CACNA2D3: variants seen among roughly 807,000 people sequenced by gnomAD.
CACNA2D3 encodes the protein calcium voltage-gated channel auxiliary subunit alpha2delta 3.
Under a neutral mutation model 160.6 loss-of-function variants are expected in CACNA2D3, and 60 were observed. The ratio of observed to expected loss-of-function variants is 0.37; its 90% CI spans 0.30 to 0.46. The LOEUF (loss-of-function observed/expected upper bound fraction) is 0.46. Ranked by LOEUF, CACNA2D3 falls within the 20% of genes least tolerant of loss-of-function variation. The probability of loss-of-function intolerance (pLI) is 1.00; values close to 1 mark genes in which losing one functional copy is unlikely to be tolerated. For missense variants in CACNA2D3, 1,205 were observed against 1,365.0 expected, an observed-to-expected ratio of 0.88 and a Z score of 1.85; for synonymous variants, 558 against 492.9, an observed-to-expected ratio of 1.13 and a Z score of -1.75.
At chr3:54,558,995 C>T (rs9849017) in intron 5 of CACNA2D3, among the ~76,000 whole-genome samples, 14,446 of 152,054 alleles carry the variant, frequency 0.095, 2,030 homozygotes, top group African/African-American at 0.31. Context: ...GTAAGCACCA[C>T]GCCTATACCC....
intron 11 of CACNA2D3, among the ~76,000 whole-genome samples, chr3:54,713,608 A>G (rs1700994867): frequency 6.6e-6 from 1 of 152,202 alleles, no homozygotes; most frequent in Non-Finnish European, 1.5e-5. Context: ...GTGGATAAAA[A>G]TAGTTTCTAC....
In CACNA2D3 at chr3:54,844,774, T is replaced by C. The variant is rs533265873; in HGVS notation, c.1552-1619T>C. On this transcript the variant is annotated intron_variant, in intron 16 of 37. Coordinates refer to ENST00000474759, the MANE Select transcript of CACNA2D3 (RefSeq NM_018398.3). ...GGCATTAAGAGGAGTCCTGCCTTCT[T>C]TTGAGGATTGCTTCTCACAAGCAAA... Among the ~76,000 whole-genome samples, 224 of 152,286 alleles carry C rather than the reference T, an allele frequency of 1.5e-3. 3 individuals are homozygous for C. Among genetic ancestry groups the C allele is most frequent in the African/African-American group, 5.0e-3 (209 of 41,556 alleles).
chr3:54,882,703 T>G (rs1250743246), intron 21 of CACNA2D3, among the ~76,000 whole-genome samples: 1 of 152,180 alleles, frequency 6.6e-6, no homozygotes. Context: ...CTGCTTCCCC[T>G]TGGGCCAAAT....
intron 2 of CACNA2D3, among the ~76,000 whole-genome samples, chr3:54,310,043 T>C (rs903130664): frequency 3.3e-5 from 5 of 152,078 alleles, no homozygotes; most frequent in East Asian, 3.9e-4. Flanking sequence ...AAAATTGCAT[T>C]CCTCAAGGAT....
In CACNA2D3 at chr3:55,073,511, C is replaced by T; in HGVS notation, c.3054C>T (p.Leu1018=). The T allele has an allele frequency of 6.2e-7, 1 of 1,613,946 alleles. No homozygotes were observed. Residue 1018 remains leucine, a synonymous_variant, in exon 36 of 38, where the codon CTC becomes CTT. Transcript: ENST00000474759. ...LFMVVVDSSC[L]CESVAPITMA... is the part of the protein sequence containing the mutation. ...TGGTGGTGGTGGACAGCAGCTGCCT[C>T]TGTGAATCTGTGGCCCCCATCACCA...
intron 35 of CACNA2D3, among the ~76,000 whole-genome samples, chr3:55,063,883 G>A (rs1311193914): frequency 2.0e-5 from 3 of 152,208 alleles, no homozygotes; most frequent in Non-Finnish European, 4.4e-5. Context: ...TTCATAATTG[G>A]CCAGGCCCAG....
At chr3:55,033,386 C>A (rs766745467) in intron 35 of CACNA2D3, among the ~76,000 whole-genome samples, 1 of 152,006 alleles carries the variant, frequency 6.6e-6, no homozygotes, top group African/African-American at 2.4e-5. Context: ...GTTCTCTCCT[C>A]TAGAGGAGCA....
chr3:54,773,468 A>G (rs1467761135), intron 13 of CACNA2D3, among the ~76,000 whole-genome samples: 1 of 152,218 alleles, frequency 6.6e-6, no homozygotes, highest in Non-Finnish European at 1.5e-5. Context: ...TCTGCATTAC[A>G]TGGCAAGGAG....
intron 4 of CACNA2D3, among the ~76,000 whole-genome samples, chr3:54,460,249 C>T (rs201911428): frequency 0.3 from 45,101 of 150,712 alleles, 6,752 homozygotes; most frequent in East Asian, 0.4. Flanking sequence ...ATTGACTTGG[C>T]GATGCAGGCT....
rs149625800 is a variant in CACNA2D3 at position 54,514,315 on chromosome 3, C to A, written c.544+10661C>A. Among the ~76,000 whole-genome samples, 894 of 152,242 alleles carry A rather than the reference C, an allele frequency of 5.9e-3. 9 individuals are homozygous for A. The highest frequency in any genetic ancestry group is 0.019 in the African/African-American group (798 of 41,540). ...AAGTGAGTAAGGAGGTGATGATGATCAGAATGCAAAAAGGCTCTTCTCCTT... is the reference window on the plus strand; with the variant it reads ...AAGTGAGTAAGGAGGTGATGATGATAAGAATGCAAAAAGGCTCTTCTCCTT... On this transcript the variant is annotated intron_variant, in intron 5 of 37. Transcript: ENST00000474759.
chr3:55,042,527 C>T (rs1029989734), intron 35 of CACNA2D3, among the ~76,000 whole-genome samples: 1 of 152,094 alleles, frequency 6.6e-6, no homozygotes, highest in Non-Finnish European at 1.5e-5. Flanking sequence ...TTCCACTTAT[C>T]TGTGTCTTTG....
chr3:54,210,248 A>G (rs955815489), intron 2 of CACNA2D3, among the ~76,000 whole-genome samples: 9 of 152,162 alleles, frequency 5.9e-5, no homozygotes, highest in Non-Finnish European at 1.0e-4. Context: ...TATCATGTCA[A>G]ACTAGGATGA....
At chr3:54,757,421 C>G (rs1013752016) in intron 12 of CACNA2D3, among the ~76,000 whole-genome samples, 1 of 152,178 alleles carries the variant, frequency 6.6e-6, no homozygotes, top group Non-Finnish European at 1.5e-5. Flanking sequence ...AGATTCTTAA[C>G]CTCATTATAT....
intron 2 of CACNA2D3, among the ~76,000 whole-genome samples, chr3:54,153,671 A>G (rs561542059): frequency 2.9e-4 from 44 of 152,350 alleles, no homozygotes; most frequent in African/African-American, 1.0e-3. Context: ...ATGACTCACA[A>G]GAAGTATATT....
chr3:54,844,268 G>C (rs1396351446), intron 16 of CACNA2D3, among the ~76,000 whole-genome samples: 2 of 152,174 alleles, frequency 1.3e-5, no homozygotes, highest in Non-Finnish European at 2.9e-5. Context: ...AGAAAATCCT[G>C]TAAGGTTTGG....
chr3:54,715,740 T>TA (rs1701039874), intron 11 of CACNA2D3, among the ~76,000 whole-genome samples: 1 of 152,122 alleles, frequency 6.6e-6, no homozygotes, highest in African/African-American at 2.4e-5. Flanking sequence ...AATATCACAG[T>TA]AGCAGATATG....
chr3:54,611,023 T>A (rs1241728312), intron 9 of CACNA2D3, among the ~76,000 whole-genome samples: 2 of 152,246 alleles, frequency 1.3e-5, no homozygotes, highest in Non-Finnish European at 2.9e-5. Flanking sequence ...ACAGCATTCA[T>A]GTCCCAGTCT....
At chr3:54,429,537 C>G (rs1699958258) in intron 4 of CACNA2D3, among the ~76,000 whole-genome samples, 1 of 152,096 alleles carries the variant, frequency 6.6e-6, no homozygotes, top group Non-Finnish European at 1.5e-5. Context: ...TTGTAGTACC[C>G]TCTTTAAGAG....
At chr3:54,491,158 T>C (rs1701102458) in intron 4 of CACNA2D3, among the ~76,000 whole-genome samples, 1 of 152,208 alleles carries the variant, frequency 6.6e-6, no homozygotes, top group Admixed American at 6.5e-5. Context: ...TCTAGATCTT[T>C]CCGCCAGGCT....
Sources: gnomAD v4.1 joint callset for allele counts (sites outside exome capture counted in the v4.1 genomes callset) on GRCh38, gnomAD v4.1.1 for gene constraint, MANE v1.5 for transcripts, NCBI Gene and HGNC (gene_info 2026-07-23, HGNC 2026-07-21) for gene names.